Variants in RSBN1L observed in about 807,000 individuals in gnomAD.
The protein encoded by RSBN1L is round spermatid basic protein 1 like.
A neutral mutation model predicts 67.7 loss-of-function variants in RSBN1L; 30 were observed. The ratio of observed to expected loss-of-function variants is 0.44; its 90% CI spans 0.33 to 0.60. The LOEUF is 0.60. Among genes scored for constraint, RSBN1L ranks in the 20% least tolerant of loss-of-function variants. RSBN1L has a pLI of 0.02. For synonymous variants in RSBN1L, 433 were observed against 387.0 expected (o/e 1.12, Z -1.39); for missense variants, 992 against 1,031.7 (o/e 0.96, Z 0.53).
At chr7:77,702,592 A>G (rs1337140333) in intron 1 of RSBN1L, among the ~76,000 whole-genome samples, 1 of 152,056 alleles carries the variant, frequency 6.6e-6, no homozygotes, top group Non-Finnish European at 1.5e-5. Context: ...GTTTCTTCAG[A>G]TAGATGTCCT....
chr7:77,724,110 T>C (rs568456964), intron 1 of RSBN1L, among the ~76,000 whole-genome samples: 1 of 152,224 alleles, frequency 6.6e-6, no homozygotes, highest in Admixed American at 6.5e-5. Context: ...CTCCTTTTTT[T>C]CTCCTCTTGA....
At chr7:77,747,027 G>A (rs566975053) in intron 2 of RSBN1L, among the ~76,000 whole-genome samples, 98 of 152,286 alleles carry the variant, frequency 6.4e-4, no homozygotes, top group African/African-American at 2.0e-3. Context: ...TTTCAAGTGC[G>A]TGGTGCAAGC....
intron 1 of RSBN1L, among the ~76,000 whole-genome samples, chr7:77,718,760 A>G (rs1490374109): frequency 6.6e-6 from 1 of 152,234 alleles, no homozygotes; most frequent in East Asian, 1.9e-4. Flanking sequence ...GTGGTTTGAA[A>G]CAATAACCAT....
At chr7:77,699,733 T>C (rs1007445438) in intron 1 of RSBN1L, among the ~76,000 whole-genome samples, 1 of 152,084 alleles carries the variant, frequency 6.6e-6, no homozygotes, top group Non-Finnish European at 1.5e-5. Flanking sequence ...ACTTGCGTGA[T>C]AGCTTGACTC....
rs1174336610 is a variant in RSBN1L at position 77,768,857 on chromosome 7, G to A, written c.1625+54G>A. 1.7e-5 allele frequency: 25 copies of A among 1,493,718 alleles called. No homozygotes were observed. The East Asian group carries it at 3.9e-4, about 23-fold the overall frequency. 92.5% of individuals were successfully genotyped at this position (1,493,718 alleles called of 1,614,324 possible). A position where few individuals can be genotyped will look rare whatever the true frequency, so the allele number is the denominator to read the frequency against. ...GGGATGAGTGTTTGTATGTTGGGGT[G>A]TGTATGTTAGTTGAAAATTGGAGGA... is the stretch of plus-strand genomic sequence containing the variant. On this transcript the variant is annotated intron_variant, in intron 5 of 7. Transcript: ENST00000334955.
At chr7:77,730,864 G>A (rs1472677673) in intron 1 of RSBN1L, among the ~76,000 whole-genome samples, 1 of 152,208 alleles carries the variant, frequency 6.6e-6, no homozygotes, top group Non-Finnish European at 1.5e-5. Context: ...GTAGACATAA[G>A]TTTTCAGCTC....
chr7:77,769,466 C>G (rs763169660), intron 5 of RSBN1L, among the ~76,000 whole-genome samples: 43 of 152,168 alleles, frequency 2.8e-4, no homozygotes, highest in Admixed American at 2.6e-3. Flanking sequence ...AAGGCAGAGC[C>G]CCTACCTCAT....
At chr7:77,716,317 G>A (rs1279257577) in intron 1 of RSBN1L, among the ~76,000 whole-genome samples, 1 of 151,800 alleles carries the variant, frequency 6.6e-6, no homozygotes, top group East Asian at 1.9e-4. Flanking sequence ...TTTTTGTTTT[G>A]TTTTGTTTTT....
rs149749401 is a variant in RSBN1L, at chr7:77,745,792, G to A, written c.704-3632G>A. On this transcript the variant is annotated intron_variant, in intron 2 of 7. Transcript: ENST00000334955. ...AAATAATTATATAACTCACCATAAT[G>A]TAGAATCAGTGGGAACCCTGAGCTT... Among the ~76,000 whole-genome samples the A allele has an allele frequency of 6.9e-3, 1,053 of 152,280 alleles. 18 individuals carry two copies. The highest frequency in any genetic ancestry group is 0.024 in the African/African-American group (983 of 41,546).
At chr7:77,709,448 C>T (rs1383699427) in intron 1 of RSBN1L, among the ~76,000 whole-genome samples, 1 of 151,980 alleles carries the variant, frequency 6.6e-6, no homozygotes, top group African/African-American at 2.4e-5. Context: ...CACCACTACG[C>T]CTGGCTAATT....
intron 1 of RSBN1L, among the ~76,000 whole-genome samples, chr7:77,706,168 C>G (rs528249232): frequency 6.6e-6 from 1 of 152,134 alleles, no homozygotes; most frequent in East Asian, 1.9e-4. Context: ...CCTCCGCCCC[C>G]CAGGTTCAAG....
chr7:77,755,979 A>G (rs1791612212), intron 3 of RSBN1L, among the ~76,000 whole-genome samples: 1 of 152,188 alleles, frequency 6.6e-6, no homozygotes, highest in Non-Finnish European at 1.5e-5. Flanking sequence ...TTCAGTAACT[A>G]TCCTTCAATT....
intron 1 of RSBN1L, among the ~76,000 whole-genome samples, chr7:77,732,534 G>C (rs554015266): frequency 6.6e-6 from 1 of 152,210 alleles, no homozygotes; most frequent in African/African-American, 2.4e-5. Context: ...GGGTTTCACT[G>C]TGTTGGCCAG....
intron 6 of RSBN1L, among the ~76,000 whole-genome samples, chr7:77,777,638 G>A (rs1791934898): frequency 6.6e-6 from 1 of 151,576 alleles, no homozygotes; most frequent in African/African-American, 2.4e-5. Flanking sequence ...ATGATTCTCA[G>A]ATTTTCTCTT....
rs752698092 is a variant in RSBN1L at position 77,696,826 on chromosome 7, C to G, written c.357C>G (p.Ser119=). 3 of 1,613,554 alleles carry G rather than the reference C, an allele frequency of 1.9e-6. No individual in the cohort carries two copies. In the South Asian group the frequency reaches 3.3e-5, roughly 18 times the overall value. Residue 119 remains serine, a synonymous_variant, in exon 1 of 8, where the codon TCC becomes TCG. Transcript: ENST00000334955. ...CCGTTCCCTCCTCAGCCTCCGCTTC[C>G]TTGTCTCAGCCGGTGCCGCGCAAAC... ...GTAVPSSASA[S]LSQPVPRKLL...
At chr7:77,772,868 C>G (rs1791866504) in intron 5 of RSBN1L, among the ~76,000 whole-genome samples, 1 of 152,124 alleles carries the variant, frequency 6.6e-6, no homozygotes, top group Admixed American at 6.5e-5. Flanking sequence ...ACCCAAACCC[C>G]AGGTAAAGAT....
chr7:77,760,613 A>G (rs1463769779), intron 3 of RSBN1L, among the ~76,000 whole-genome samples: 1 of 149,772 alleles, frequency 6.7e-6, no homozygotes, highest in African/African-American at 2.4e-5. Flanking sequence ...AAGCAAGTAT[A>G]TTCTATTATT....
At chr7:77,725,091 G>T (rs1399674029) in intron 1 of RSBN1L, among the ~76,000 whole-genome samples, 1 of 150,626 alleles carries the variant, frequency 6.6e-6, no homozygotes, top group Non-Finnish European at 1.5e-5. Flanking sequence ...TGATCCACCC[G>T]CCTTGGCTTT....
intron 1 of RSBN1L, among the ~76,000 whole-genome samples, chr7:77,707,252 G>A (rs1425524202): frequency 2.0e-5 from 3 of 152,022 alleles, no homozygotes; most frequent in Non-Finnish European, 4.4e-5. Context: ...TTGAATGCCC[G>A]ACCTCAAGTG....
Sources: gnomAD v4.1 joint callset for allele counts (sites outside exome capture counted in the v4.1 genomes callset) on GRCh38, gnomAD v4.1.1 for gene constraint, MANE v1.5 for transcripts, NCBI Gene and HGNC (gene_info 2026-07-23, HGNC 2026-07-21) for gene names.